NOL6: variants seen among roughly 807,000 people sequenced by gnomAD.
NOL6 encodes nucleolar protein 6, also known as nucleolar RNA-associated protein.
In NOL6, 33 loss-of-function variants were observed where a neutral mutation model predicts 131.7. The ratio of observed to expected loss-of-function variants is 0.25; its 90% CI spans 0.19 to 0.33. NOL6 has a LOEUF of 0.33. NOL6 is among the 10% of genes least tolerant of loss of function. The pLI is 1.00. For missense variants in NOL6, 1,297 were observed against 1,494.5 expected (o/e 0.87, Z 2.18); for synonymous variants, 580 against 605.7 (o/e 0.96, Z 0.62).
In NOL6 at chr9:33,464,069, A is replaced by G. The variant is rs761660131; in HGVS notation, c.2872T>C (p.Ser958Pro). ...VIVTPQDRKN[S>P]VWTQDGPSAQ... ...GAGGGTCCATCCTGTGTCCACACAGAGTTTTTGCGGTCTTGGGGGGTAACA... is the reference window on the plus strand; with the variant it reads ...GAGGGTCCATCCTGTGTCCACACAGGGTTTTTGCGGTCTTGGGGGGTAACA... The change falls in exon 22 of 26, where the codon TCT becomes CCT. Residue 958 changes from serine (S) to proline (P), a missense_variant. Physicochemically the swap from Ser to Pro is moderately conservative, Grantham distance 74. Coordinates refer to ENST00000297990, the MANE Select transcript of NOL6 (RefSeq NM_022917.5). The G allele has an allele frequency of 3.7e-6, 6 of 1,613,408 alleles. No homozygotes were observed. In the African/African-American group the frequency reaches 8.0e-5, roughly 22 times the overall value.
Position 33,472,418 on chromosome 9 carries a change from G to A in NOL6, c.55-6C>T. 1.2e-6 allele frequency: 2 copies of A among 1,611,782 alleles called. No homozygotes were observed. Among genetic ancestry groups the A allele is most frequent in the Non-Finnish European group, 1.7e-6 (2 of 1,178,814 alleles). On this transcript the variant is annotated splice_polypyrimidine_tract_variant and splice_region_variant and intron_variant, in intron 1 of 25. Transcript: ENST00000297990. ...TCCAGGGCTGGTTCCATCACCTGTG[G>A]CCAGTGAGGGAGAAGCCATTTTGAG...
chr9:33,466,542 A>G (rs908804599), intron 16 of NOL6, 27 bp downstream of exon 16: 72 of 1,613,256 alleles, frequency 4.5e-5, no homozygotes, highest in Non-Finnish European at 5.9e-5. Flanking sequence ...ACTAAGCAGA[A>G]AGGTCACCTG....
intron 19 of NOL6, 116 bp from the exon 20 acceptor site, chr9:33,465,475 C>T: frequency 8.0e-7 from 1 of 1,257,528 alleles, no homozygotes; most frequent in East Asian, 2.6e-5. Flanking sequence ...CTCATATTCT[C>T]TTAAGAAATG....
rs952674144 is a variant in NOL6, at chr9:33,468,522, A to G, written c.1192T>C (p.Ser398Pro). 6 of 1,614,004 alleles carry G rather than the reference A, an allele frequency of 3.7e-6. No individual in the cohort carries two copies. Among genetic ancestry groups the G allele is most frequent in the Non-Finnish European group, 5.1e-6 (6 of 1,180,008 alleles). The change falls in exon 9 of 26, where the codon TCA becomes CCA. Residue 398 changes from serine to proline, a missense_variant. Ser to Pro is a moderately conservative substitution (Grantham distance 74). Coordinates refer to ENST00000297990, the MANE Select transcript of NOL6 (RefSeq NM_022917.5). ...CCCCAACTCACCAAAGAGGGATCTGAGCTGAGACATAAACTGATCCCGTTG... is the reference window on the plus strand; with the variant it reads ...CCCCAACTCACCAAAGAGGGATCTGGGCTGAGACATAAACTGATCCCGTTG... ...TVNGISLCLS[S>P]DPSLPALADF...
At chr9:33,471,380 G>A (rs567543955) in intron 3 of NOL6, among the ~76,000 whole-genome samples, 13 of 152,302 alleles carry the variant, frequency 8.5e-5, no homozygotes, top group Admixed American at 4.6e-4. Flanking sequence ...TCCCTACTTC[G>A]GGACACAATG....
rs907520602 is a variant in NOL6, at chr9:33,466,329, C to T, written c.2188G>A (p.Ala730Thr). Reference sequence around the variant, plus strand: ...TTACCGGTCATGGGCTCCACGTAGGCCGGACAGGGCTTATCGAGCCGGGGC... The same window carrying T: ...TTACCGGTCATGGGCTCCACGTAGGTCGGACAGGGCTTATCGAGCCGGGGC... ...LLPRLDKPCP[A>T]YVEPMTVVCH... Residue 730 changes from alanine (A) to threonine (T), a missense_variant, in exon 17 of 26, where the codon GCC (alanine) becomes ACC (threonine). By Grantham distance (58) the Ala-to-Thr change is moderately conservative (BLOSUM62 0). Coordinates refer to ENST00000297990, the MANE Select transcript of NOL6 (RefSeq NM_022917.5). 6.2e-7 allele frequency: 1 copy of T among 1,614,170 alleles called. No homozygotes were observed. The highest frequency in any genetic ancestry group is 8.5e-7 in the Non-Finnish European group (1 of 1,180,018).
rs140180433 is a variant in NOL6 at position 33,463,489 on chromosome 9, A to G, written c.2995-48T>C. On this transcript the variant is annotated intron_variant, in intron 23 of 25. Coordinates refer to ENST00000297990, the MANE Select transcript of NOL6 (RefSeq NM_022917.5). ...GTCAGCAGGACCCCCTTGACTGAGG[A>G]ACTGGACCACAAACCTCTCCACACG... is the stretch of plus-strand genomic sequence containing the variant. 1.9e-5 allele frequency: 29 copies of G among 1,529,088 alleles called. No individual in the cohort carries two copies. In the East Asian group the frequency reaches 5.8e-4, roughly 31 times the overall value. The allele number at this position is 1,529,088 out of a possible 1,614,324, so 94.7% of individuals were successfully genotyped here. A position where few individuals can be genotyped will look rare whatever the true frequency, so the allele number is the denominator to read the frequency against.
chr9:33,469,012 CA>C lies in NOL6; in HGVS notation c.971del (p.Leu324ArgfsTer8). The C allele has an allele frequency of 6.2e-7, 1 of 1,614,216 alleles. No individual in the cohort carries two copies. Among genetic ancestry groups the C allele is most frequent in the South Asian group, 1.1e-5 (1 of 91,088 alleles). On this transcript the variant is annotated frameshift_variant, in exon 7 of 26. Coordinates refer to ENST00000297990, the MANE Select transcript of NOL6 (RefSeq NM_022917.5). LOFTEE classifies it high-confidence loss of function. ...LSTILSSAQG[L>X]KDGVALLKVW... ...CCTTCAGAAGTGCCACGCCATCCTT[CA>C]GGCCCTGGGCTGAACTCAGAATGGT... is the stretch of plus-strand genomic sequence containing the variant.
At chr9:33,468,907 T>G (rs201729979) in intron 7 of NOL6, 35 bp from the exon 8 acceptor site, 1 of 1,613,994 alleles carries the variant, frequency 6.2e-7, no homozygotes, top group Admixed American at 1.7e-5. Flanking sequence ...GGTCAGAGCC[T>G]GCCCATCACA....
Position 33,467,705 on chromosome 9 carries a change from G to A in NOL6, c.1588C>T (p.Pro530Ser). The A allele has an allele frequency of 6.4e-7, 1 of 1,569,616 alleles. No individual in the cohort carries two copies. The highest frequency in any genetic ancestry group is 8.6e-7 in the Non-Finnish European group (1 of 1,160,096). Residue 530 changes from proline to serine, a missense_variant, in exon 12 of 26, where the codon CCC becomes TCC. Transcript: ENST00000297990. This position sits in a 1 kb window ranked among gnomAD's most constrained non-coding sequence, Gnocchi z 4.4. ...ARLNLLAHSR[P>S]PVPEWDISQD... The stretch of plus-strand genomic sequence containing the variant: ...CACCACCTCACCTCTGGGACTGGGG[G>A]TCGAGAGTGAGCCAGCAGGTTCAGC...
Position 33,467,077 on chromosome 9 carries a change from C to T in NOL6, c.1874+37G>A. The T allele has an allele frequency of 6.2e-7, 1 of 1,613,444 alleles. No individual in the cohort carries two copies. The highest frequency in any genetic ancestry group is 8.5e-7 in the Non-Finnish European group (1 of 1,179,408). ...CAGACCCCTGAAAAGGCTCCCCAGC[C>T]CACACTGCCTTCTGGAATCCAGATG... On this transcript the variant is annotated intron_variant, in intron 14 of 25. Transcript: ENST00000297990. The surrounding 1 kb of genome is among the most constrained non-coding windows in gnomAD (Gnocchi z 4.4).
intron 2 of NOL6, 24 bp from the exon 3 acceptor site, chr9:33,472,144 T>A (rs1262312447): frequency 6.2e-7 from 1 of 1,612,910 alleles, no homozygotes; most frequent in Non-Finnish European, 8.5e-7. Flanking sequence ...TAGAAGACAG[T>A]CCATCAGCCT....
rs2119022370 is a variant in NOL6 at position 33,468,125 on chromosome 9, C to G, written c.1329G>C (p.Leu443=). 1 of 1,614,206 alleles carries G rather than the reference C, an allele frequency of 6.2e-7. No homozygotes were observed. The highest frequency in any genetic ancestry group is 2.2e-5 in the East Asian group (1 of 44,888). ...TYHQVQHEAR[L]SMMLLDSRAD... is the part of the protein sequence containing the mutation. ...CTCTGCTGTCCAGCAACATCATAGA[C>G]AGCCGTGCCTCATGCTGTACCTGGA... Residue 443 remains leucine (L), a synonymous_variant, in exon 11 of 26, where the codon CTG becomes CTC. Coordinates refer to ENST00000297990, the MANE Select transcript of NOL6 (RefSeq NM_022917.5).
At chr9:33,465,027 G>A (rs1827200713) in intron 20 of NOL6, 51 bp from the exon 21 acceptor site, 1 of 1,529,600 alleles carries the variant, frequency 6.5e-7, no homozygotes, top group Admixed American at 1.7e-5. Context: ...CATATCCCCA[G>A]GCTTCTCTCA....
chr9:33,464,571 G>A (rs763735383), intron 21 of NOL6, among the ~76,000 whole-genome samples: 28 of 151,932 alleles, frequency 1.8e-4, no homozygotes, highest in Non-Finnish European at 3.2e-4. Flanking sequence ...GAGTATCTGT[G>A]CTACACTTCC....
Position 33,464,550 on chromosome 9 carries a change from C to T in NOL6, c.2779+329G>A, listed in dbSNP as rs190706078. 2.8e-4 allele frequency among the ~76,000 whole-genome samples: 43 copies of T among 152,258 alleles called. No individual in the cohort carries two copies. In the East Asian group the frequency reaches 8.1e-3, roughly 29 times the overall value. On this transcript the variant is annotated intron_variant, in intron 21 of 25. Transcript: ENST00000297990. ...CCAGAAATCACCACTCCCACCCCCACCAAGAGGTCTGAGTATCTGTGCTAC... is the reference window on the plus strand; with the variant it reads ...CCAGAAATCACCACTCCCACCCCCATCAAGAGGTCTGAGTATCTGTGCTAC...
rs756471598 is a variant in NOL6, at chr9:33,467,433, G to T, written c.1686C>A (p.Thr562=). Residue 562 remains threonine (T), a synonymous_variant, in exon 13 of 26, where the codon ACC becomes ACA. Transcript: ENST00000297990. The surrounding 1 kb of genome is among the most constrained non-coding windows in gnomAD (Gnocchi z 4.4). The part of the protein sequence containing the change: ...LGLLLRPEGL[T]SVLELGPEAD... ...CCTCTGGACCCAGCTCAAGGACGCT[G>T]GTCAGTCCCTCAGGCCGGAGAAGGA... is the stretch of plus-strand genomic sequence containing the variant. 2.5e-6 allele frequency: 4 copies of T among 1,614,182 alleles called. No individual in the cohort carries two copies. Among genetic ancestry groups the T allele is most frequent in the Non-Finnish European group, 3.4e-6 (4 of 1,180,018 alleles).
At chr9:33,473,267 C>T (rs1018811346) in intron 1 of NOL6, among the ~76,000 whole-genome samples, 2 of 152,208 alleles carry the variant, frequency 1.3e-5, no homozygotes, top group Non-Finnish European at 2.9e-5. Context: ...TGAAGTCCCA[C>T]TATTCACTCG....
Position 33,473,687 on chromosome 9 carries a change from G to A in NOL6, c.54+102C>T, listed in dbSNP as rs1827475794. 2.9e-6 allele frequency: 4 copies of A among 1,379,278 alleles called. No individual in the cohort carries two copies. In the East Asian group the frequency reaches 7.1e-5, roughly 24 times the overall value. 85.4% of individuals were successfully genotyped at this position (1,379,278 alleles called of 1,614,324 possible). On this transcript the variant is annotated intron_variant, in intron 1 of 25. Coordinates refer to ENST00000297990, the MANE Select transcript of NOL6 (RefSeq NM_022917.5). ...GAAACATCCTCCAGAATGGGCCGCC[G>A]GCATGGCTTTCACCCGCAAGCTGTC... is the stretch of plus-strand genomic sequence containing the variant.
Sources: gnomAD v4.1 joint callset for allele counts (sites outside exome capture counted in the v4.1 genomes callset) on GRCh38, gnomAD v4.1.1 for gene constraint, Gnocchi (gnomAD v3.1) non-coding constraint, MANE v1.5 for transcripts, NCBI Gene and HGNC (gene_info 2026-07-23, HGNC 2026-07-21) for gene names.